Variants in NALF1 observed in about 807,000 individuals in gnomAD.
The protein encoded by NALF1 is family with sequence similarity 155 member A.
Under a neutral mutation model 48.4 loss-of-function variants are expected in NALF1, and 3 were observed. The observed-to-expected ratio is 0.06, with a 90% CI of 0.03 to 0.16. NALF1 has a LOEUF of 0.16. NALF1 is among the 10% of genes least tolerant of loss of function. The pLI is 1.00. For synonymous variants in NALF1, 262 were observed against 245.7 expected (o/e 1.07, Z -0.62); for missense variants, 526 against 571.5 (o/e 0.92, Z 0.81).
intron 1 of NALF1, among the ~76,000 whole-genome samples, chr13:107,703,669 A>G (rs983460252): frequency 3.3e-5 from 5 of 152,142 alleles, no homozygotes; most frequent in African/African-American, 1.2e-4. Context: ...TCAAATCAGT[A>G]AAAGCCCTAT....
chr13:107,247,153 T>C, intron 1 of NALF1, among the ~76,000 whole-genome samples: 1 of 152,158 alleles, frequency 6.6e-6, no homozygotes, highest in East Asian at 1.9e-4. Flanking sequence ...AAAAAATAGA[T>C]GGAAATGCAA....
chr13:107,637,738 A>G (rs1998563), intron 1 of NALF1, among the ~76,000 whole-genome samples: 8,021 of 152,200 alleles, frequency 0.053, 764 homozygotes, highest in African/African-American at 0.18. Context: ...ACCAGCCACA[A>G]ATAATCCAAT....
At chr13:107,606,522 T>C (rs1335791958) in intron 1 of NALF1, among the ~76,000 whole-genome samples, 1 of 151,942 alleles carries the variant, frequency 6.6e-6, no homozygotes, top group Non-Finnish European at 1.5e-5. Flanking sequence ...CCAGCCACAG[T>C]GCCCAGCTAA....
chr13:107,271,460 T>C (rs1460926524), intron 1 of NALF1, among the ~76,000 whole-genome samples: 1 of 152,040 alleles, frequency 6.6e-6, no homozygotes, highest in Non-Finnish European at 1.5e-5. Flanking sequence ...AAGTAATTAC[T>C]TGGGACACAG....
intron 1 of NALF1, among the ~76,000 whole-genome samples, chr13:107,864,502 A>G (rs1034121566): frequency 6.6e-6 from 1 of 152,224 alleles, no homozygotes; most frequent in Non-Finnish European, 1.5e-5. Context: ...AGTGAGACAG[A>G]GGAACAGTTG....
intron 1 of NALF1, among the ~76,000 whole-genome samples, chr13:107,813,660 T>C (rs1361013669): frequency 6.8e-6 from 1 of 147,386 alleles, no homozygotes; most frequent in East Asian, 2.0e-4. Flanking sequence ...GCAAAGTGCA[T>C]AAAGAAGACC....
intron 1 of NALF1, among the ~76,000 whole-genome samples, chr13:107,612,339 T>C (rs1332963117): frequency 1.3e-5 from 2 of 151,968 alleles, no homozygotes; most frequent in Admixed American, 1.3e-4. Flanking sequence ...GTTCTAGAGA[T>C]CTGTTGTATA....
chr13:107,297,040 A>T (rs1044528080), intron 1 of NALF1, among the ~76,000 whole-genome samples: 12 of 151,752 alleles, frequency 7.9e-5, no homozygotes, highest in South Asian at 2.1e-4. Flanking sequence ...TTATTTATTT[A>T]TTTTTTCATA....
chr13:107,558,184 A>T (rs1260297402), intron 1 of NALF1, among the ~76,000 whole-genome samples: 1 of 152,210 alleles, frequency 6.6e-6, no homozygotes, highest in Non-Finnish European at 1.5e-5. Flanking sequence ...ATTGCTCCAA[A>T]ACATCACAGA....
At chr13:107,177,718 A>G (rs140619012) in intron 2 of NALF1, among the ~76,000 whole-genome samples, 2 of 152,350 alleles carry the variant, frequency 1.3e-5, no homozygotes, top group East Asian at 3.9e-4. Context: ...CTAGACTCCT[A>G]TTTCTTGCCA....
At chr13:107,678,437 C>T (rs1391507566) in intron 1 of NALF1, among the ~76,000 whole-genome samples, 1 of 152,200 alleles carries the variant, frequency 6.6e-6, no homozygotes, top group African/African-American at 2.4e-5. Context: ...GACATGGTGC[C>T]TGAGAAGTGA....
At chr13:107,620,989 CGTGTGT>C (rs139779456) in intron 1 of NALF1, among the ~76,000 whole-genome samples, 10 of 149,720 alleles carry the variant, frequency 6.7e-5, no homozygotes, top group Non-Finnish European at 1.2e-4. Flanking sequence ...TGAGTGTGTG[CGTGTGT>C]GTGTGTGTGT....
chr13:107,314,879 T>C (rs1490271333), intron 1 of NALF1, among the ~76,000 whole-genome samples: 1 of 152,148 alleles, frequency 6.6e-6, no homozygotes, highest in Non-Finnish European at 1.5e-5. Flanking sequence ...GCAATTCAAA[T>C]AGTGGAATCC....
intron 1 of NALF1, chr13:107,835,378 C>G (rs1879859897): frequency 6.6e-6 from 1 of 152,150 alleles, no homozygotes; most frequent in African/African-American, 2.4e-5. Flanking sequence ...ACAGACAAGG[C>G]TCTTACAAGA....
At chr13:107,509,175 T>C (rs1040876570) in intron 1 of NALF1, among the ~76,000 whole-genome samples, 2 of 152,160 alleles carry the variant, frequency 1.3e-5, no homozygotes, top group Admixed American at 6.6e-5. Flanking sequence ...GCTTATATAT[T>C]CTCTTTTAGT....
chr13:107,313,979 C>A (rs1433199057), intron 1 of NALF1, among the ~76,000 whole-genome samples: 1 of 152,116 alleles, frequency 6.6e-6, no homozygotes, highest in Non-Finnish European at 1.5e-5. Context: ...AGGGGTGCGT[C>A]CTTAACCTTG....
At chr13:107,799,540 T>C (rs958805325) in intron 1 of NALF1, among the ~76,000 whole-genome samples, 5 of 152,194 alleles carry the variant, frequency 3.3e-5, no homozygotes, top group Non-Finnish European at 7.4e-5. Context: ...CATCATTGCT[T>C]AGAAACAAGA....
intron 1 of NALF1, among the ~76,000 whole-genome samples, chr13:107,230,375 T>C (rs1880194662): frequency 6.6e-6 from 1 of 152,184 alleles, no homozygotes; most frequent in African/African-American, 2.4e-5. Flanking sequence ...AAAGTAACTC[T>C]ATATCTATGC....
intron 1 of NALF1, among the ~76,000 whole-genome samples, chr13:107,834,154 C>A (rs1291631213): frequency 6.6e-6 from 1 of 152,078 alleles, no homozygotes; most frequent in African/African-American, 2.4e-5. Context: ...TATGAGTAAT[C>A]TAGAGATGAT....
Sources: gnomAD v4.1 joint callset for allele counts (sites outside exome capture counted in the v4.1 genomes callset) on GRCh38, gnomAD v4.1.1 for gene constraint, MANE v1.5 for transcripts, NCBI Gene and HGNC (gene_info 2026-07-23, HGNC 2026-07-21) for gene names.